The following RRM2 variants were observed in gnomAD, a reference collection of about 807,000 sequenced individuals.
RRM2 encodes the protein ribonucleotide reductase regulatory subunit M2, also known as ribonucleoside-diphosphate reductase subunit M2.
In RRM2, 6 loss-of-function variants were observed where a neutral mutation model predicts 45.9. That is an observed-to-expected ratio of 0.13 (90% CI 0.07 to 0.26). The LOEUF (loss-of-function observed/expected upper bound fraction) is 0.26. Ranked by LOEUF, RRM2 falls within the 10% of genes least tolerant of loss-of-function variation. The probability of loss-of-function intolerance (pLI) is 1.00; values close to 1 mark genes in which losing one functional copy is unlikely to be tolerated. For synonymous variants in RRM2, 177 were observed against 173.0 expected (o/e 1.02, Z -0.18); for missense variants, 343 against 489.5 (o/e 0.70, Z 2.82).
At chr2:10,198,396 C>A (rs2125331670) in intron 3 of RRM2, among the ~76,000 whole-genome samples, 1 of 151,752 alleles carries the variant, frequency 6.6e-6, no homozygotes, top group South Asian at 2.1e-4. Context: ...GTCTCACCAT[C>A]TTTGGCCCAT....
downstream of RRM2, among the ~76,000 whole-genome samples, chr2:10,134,860 G>A (rs1049503034): frequency 1.3e-5 from 2 of 152,182 alleles, no homozygotes; most frequent in African/African-American, 4.8e-5. Flanking sequence ...GTTTGAGGAG[G>A]TAAAGACTGG....
intron 3 of RRM2, among the ~76,000 whole-genome samples, chr2:10,164,319 T>C (rs1663635542): frequency 6.6e-6 from 1 of 152,208 alleles, no homozygotes; most frequent in Non-Finnish European, 1.5e-5. Context: ...TTTTCTTATT[T>C]GTAAGTAGAG....
At chr2:10,173,764 T>C (rs574532545) in intron 3 of RRM2, among the ~76,000 whole-genome samples, 1 of 152,300 alleles carries the variant, frequency 6.6e-6, no homozygotes, top group Non-Finnish European at 1.5e-5. Flanking sequence ...TTCAGTGAAA[T>C]TGGAGAGAAC....
intron 3 of RRM2, among the ~76,000 whole-genome samples, chr2:10,161,493 C>T (rs947934404): frequency 2.6e-5 from 4 of 152,206 alleles, no homozygotes; most frequent in Admixed American, 6.5e-5. Flanking sequence ...ACGTGGCAAC[C>T]TGGACCAGGG....
intron 3 of RRM2, among the ~76,000 whole-genome samples, chr2:10,182,442 G>A (rs1664080958): frequency 6.6e-6 from 1 of 152,114 alleles, no homozygotes; most frequent in African/African-American, 2.4e-5. Context: ...ATTTCTCACA[G>A]GTCGTTTTAA....
upstream of RRM2, among the ~76,000 whole-genome samples, chr2:10,137,195 A>G (rs1663002774): frequency 6.6e-6 from 1 of 152,194 alleles, no homozygotes; most frequent in South Asian, 2.1e-4. Context: ...AGGCTCAGGG[A>G]GGCCATGTGC....
intron 3 of RRM2, among the ~76,000 whole-genome samples, chr2:10,154,022 T>C (rs756413621): frequency 2.8e-4 from 43 of 152,222 alleles, no homozygotes; most frequent in Non-Finnish European, 5.0e-4. Context: ...TAAAAATGAT[T>C]AAAATGGTAC....
At chr2:10,186,041 C>G (rs1197339108) in intron 3 of RRM2, among the ~76,000 whole-genome samples, 1 of 152,210 alleles carries the variant, frequency 6.6e-6, no homozygotes, top group Non-Finnish European at 1.5e-5. Context: ...TCTTCAATAT[C>G]TTTAAAAAAG....
At chr2:10,176,930 G>A (rs1663927677) in intron 3 of RRM2, among the ~76,000 whole-genome samples, 1 of 152,194 alleles carries the variant, frequency 6.6e-6, no homozygotes, top group African/African-American at 2.4e-5. Context: ...GATATTAGGT[G>A]TAAATTTTGA....
At chr2:10,189,902 C>T (rs904337373) in intron 3 of RRM2, among the ~76,000 whole-genome samples, 3 of 152,178 alleles carry the variant, frequency 2.0e-5, no homozygotes, top group Non-Finnish European at 4.4e-5. Flanking sequence ...TCCCTTCCCT[C>T]GAGAGGGTCT....
Position 10,205,250 on chromosome 2 carries a change from C to T in RRM2, n.483-5061C>T, listed in dbSNP as rs974256195. Among the ~76,000 whole-genome samples, 6 of 152,174 alleles carry T rather than the reference C, an allele frequency of 3.9e-5. No individual in the cohort carries two copies. Among genetic ancestry groups the T allele is most frequent in the East Asian group, 3.9e-4 (2 of 5,192 alleles). On this transcript the variant is annotated intron_variant and non_coding_transcript_variant, in intron 3 of 3. Coordinates refer to the RRM2 transcript ENST00000381786. This position sits in a 1 kb window ranked among gnomAD's most constrained non-coding sequence, Gnocchi z 4.8. ...AGCGGTGAGTGGGGCTCGGTATTGA[C>T]GATCAGCGAACAGTCTCCTGGGGAG...
At chr2:10,174,857 A>C (rs903268577) in intron 3 of RRM2, among the ~76,000 whole-genome samples, 1 of 145,392 alleles carries the variant, frequency 6.9e-6, no homozygotes, top group Non-Finnish European at 1.5e-5. Flanking sequence ...ACAGAGTGAG[A>C]CTCAAAAATG....
chr2:10,173,741 C>T (rs1351715787), intron 3 of RRM2, among the ~76,000 whole-genome samples: 1 of 152,240 alleles, frequency 6.6e-6, no homozygotes, highest in East Asian at 1.9e-4. Context: ...CAGAAGAATT[C>T]AGTATAACCC....
chr2:10,192,377 A>G (rs72788354), intron 3 of RRM2, among the ~76,000 whole-genome samples: 49,428 of 151,824 alleles, frequency 0.33, 10,052 homozygotes, highest in Non-Finnish European at 0.47. Flanking sequence ...GGAGGAAAGG[A>G]CTTCTCCAAC....
intron 3 of RRM2, among the ~76,000 whole-genome samples, chr2:10,153,327 C>T (rs1663355583): frequency 6.6e-6 from 1 of 152,108 alleles, no homozygotes; most frequent in African/African-American, 2.4e-5. Flanking sequence ...GAGTGAGGCC[C>T]TGTCTCCAAA....
In RRM2 at chr2:10,123,071, G is replaced by A. The variant is rs923806808; in HGVS notation, c.174+14G>A. On this transcript the variant is annotated intron_variant, in intron 2 of 9. Coordinates refer to ENST00000304567, the MANE Select transcript of RRM2 (RefSeq NM_001034.4). ...CCCACGGAGCCGGTGAGTGGCGGGC[G>A]TGGGGCAGAGGGGCCAGGGACGGCC... 9.7e-6 allele frequency: 15 copies of A among 1,544,282 alleles called. No homozygotes were observed. In the Admixed American group the frequency reaches 2.5e-4, roughly 26 times the overall value.
In RRM2 at chr2:10,171,446, C is replaced by T. The variant is rs948196558; in HGVS notation, n.482+29071C>T. Among the ~76,000 whole-genome samples the T allele has an allele frequency of 3.3e-5, 5 of 152,198 alleles. No individual in the cohort carries two copies. The highest frequency in any genetic ancestry group is 4.1e-4 in the South Asian group (2 of 4,834). The stretch of plus-strand genomic sequence containing the variant: ...CTGAGCCGTGCTTCCAGGGCAGCCC[C>T]GGCCCTTCATGTCAGCTGGTGACAT... On this transcript the variant is annotated intron_variant and non_coding_transcript_variant, in intron 3 of 3. Transcript: ENST00000381786. The surrounding 1 kb of genome is among the most constrained non-coding windows in gnomAD (Gnocchi z 4.1).
At chr2:10,126,116 C>A (rs1662771620) in intron 5 of RRM2, among the ~76,000 whole-genome samples, 3 of 142,792 alleles carry the variant, frequency 2.1e-5, no homozygotes, top group Non-Finnish European at 3.0e-5. Flanking sequence ...CTGTGATCAT[C>A]TCGCTGCACT....
downstream of RRM2, among the ~76,000 whole-genome samples, chr2:10,132,010 C>G (rs1662912422): frequency 6.6e-6 from 1 of 152,180 alleles, no homozygotes; most frequent in African/African-American, 2.4e-5. Flanking sequence ...GAGTTTTGCT[C>G]TGCTGTCCCA....
Sources: allele counts gnomAD v4.1 joint callset (sites outside exome capture counted in the v4.1 genomes callset), GRCh38; gene constraint gnomAD v4.1.1; non-coding constraint Gnocchi (gnomAD v3.1); transcripts MANE v1.5; gene names NCBI Gene and HGNC (gene_info 2026-07-23, HGNC 2026-07-21).